The following ANKS1B variants were observed in gnomAD, a reference collection of about 807,000 sequenced individuals.
ANKS1B encodes the protein ankyrin repeat and sterile alpha motif domain-containing protein 1B.
Under a neutral mutation model 148.3 loss-of-function variants are expected in ANKS1B, and 36 were observed. The observed-to-expected ratio is 0.24, with a 90% CI of 0.19 to 0.32. ANKS1B has a LOEUF of 0.32. Among genes scored for constraint, ANKS1B ranks in the 10% least tolerant of loss-of-function variants. The pLI is 1.00. For synonymous variants in ANKS1B, 542 were observed against 560.8 expected, an observed-to-expected ratio of 0.97 and a Z score of 0.47; for missense variants, 1,157 against 1,542.6, an observed-to-expected ratio of 0.75 and a Z score of 4.19.
At chr12:99,108,224 G>A (rs575648818) in intron 15 of ANKS1B, among the ~76,000 whole-genome samples, 1 of 152,300 alleles carries the variant, frequency 6.6e-6, no homozygotes, top group South Asian at 2.1e-4. Context: ...GTGAAGATAA[G>A]CCGAATGACA....
intron 19 of ANKS1B, among the ~76,000 whole-genome samples, chr12:98,811,151 T>C (rs1205787604): frequency 6.6e-6 from 1 of 152,194 alleles, no homozygotes; most frequent in Non-Finnish European, 1.5e-5. Flanking sequence ...TTCTCCTGTG[T>C]CCCCGTGTGA....
chr12:99,667,226 G>A (rs1413472653), intron 8 of ANKS1B, among the ~76,000 whole-genome samples: 1 of 151,954 alleles, frequency 6.6e-6, no homozygotes, highest in African/African-American at 2.4e-5. Flanking sequence ...GCACGCACCT[G>A]TAGTTCCAGC....
intron 16 of ANKS1B, among the ~76,000 whole-genome samples, chr12:99,059,614 C>T (rs970855576): frequency 1.3e-5 from 2 of 151,938 alleles, no homozygotes; most frequent in African/African-American, 2.4e-5. Context: ...GTCACTTCAT[C>T]TCTCTAAGCT....
At chr12:98,804,410 C>G (rs987067643) in intron 20 of ANKS1B, among the ~76,000 whole-genome samples, 3 of 132,702 alleles carry the variant, frequency 2.3e-5, no homozygotes, top group Admixed American at 1.7e-4. Flanking sequence ...TCTCTCCCCA[C>G]CCCTGCCTAT....
rs1465608606 is a variant in ANKS1B, at chr12:98,745,257, A to ATGAT, written c.*478_*481dup. On this transcript the variant is annotated 3_prime_UTR_variant, in exon 27 of 27. Coordinates refer to ENST00000683438, the MANE Select transcript of ANKS1B (RefSeq NM_001352186.2). The stretch of plus-strand genomic sequence containing the variant: ...GTCCTTTTGCATTAAACGATACTCA[A>ATGAT]TGATAGAATGATTTTACAGATGCTT... The ATGAT allele has an allele frequency of 2.4e-5, 24 of 985,792 alleles. No homozygotes were observed. The highest frequency in any genetic ancestry group is 4.7e-5 in the South Asian group (1 of 21,294). 61.1% of individuals were successfully genotyped at this position (985,792 alleles called of 1,614,324 possible). A position where few individuals can be genotyped will look rare whatever the true frequency, so the allele number is the denominator to read the frequency against.
chr12:99,536,665 G>A (rs575244100), intron 9 of ANKS1B, among the ~76,000 whole-genome samples: 83 of 152,012 alleles, frequency 5.5e-4, no homozygotes, highest in Non-Finnish European at 1.1e-3. Context: ...TATTTATAGG[G>A]TACATGGGAT....
chr12:99,394,592 A>G (rs1593870165), intron 12 of ANKS1B, among the ~76,000 whole-genome samples: 1 of 152,088 alleles, frequency 6.6e-6, no homozygotes, highest in East Asian at 1.9e-4. Flanking sequence ...TACTTAACTT[A>G]TCAGCTATAT....
At chr12:99,080,999 G>A (rs1157605241) in intron 16 of ANKS1B, among the ~76,000 whole-genome samples, 2 of 152,082 alleles carry the variant, frequency 1.3e-5, no homozygotes, top group Non-Finnish European at 2.9e-5. Context: ...GGGTGAAAAC[G>A]GATAATTAAG....
Position 99,782,101 on chromosome 12 carries a change from G to GAA in ANKS1B, c.670-6_670-5dup. On this transcript the variant is annotated splice_region_variant and splice_polypyrimidine_tract_variant and intron_variant, in intron 4 of 26. Coordinates refer to ENST00000683438, the MANE Select transcript of ANKS1B (RefSeq NM_001352186.2). ...GAAGTGCACTCCCCTTTTCTGTCTG[G>GAA]AAAAAAAAAAGTAAGAAAAAAGAAA... 10 of 1,401,312 alleles carry GAA rather than the reference G, an allele frequency of 7.1e-6. No homozygotes were observed. The highest frequency in any genetic ancestry group is 4.4e-5 in the African/African-American group (3 of 68,078). 86.8% of individuals were successfully genotyped at this position (1,401,312 alleles called of 1,614,324 possible).
intron 14 of ANKS1B, 60 bp downstream of exon 14, chr12:99,244,282 A>C (rs1474086685): frequency 8.5e-7 from 1 of 1,175,522 alleles, no homozygotes; most frequent in Non-Finnish European, 1.2e-6. Context: ...GATTCCTATC[A>C]TTTTCTCACT....
rs78776301 is a variant in ANKS1B, at chr12:99,665,872, A to G, written c.1129-10662T>C. ...CCTCCTTTGTACTGTTGGTGAATAT[A>G]TAAGAAATCTTTGCCTAACACAAAG... On this transcript the variant is annotated intron_variant, in intron 8 of 26. Coordinates refer to ENST00000683438, the MANE Select transcript of ANKS1B (RefSeq NM_001352186.2). 3.6e-3 allele frequency among the ~76,000 whole-genome samples: 555 copies of G among 152,346 alleles called. 3 individuals are homozygous for G. Among genetic ancestry groups the G allele is most frequent in the African/African-American group, 0.012 (516 of 41,582 alleles).
chr12:99,672,498 A>C (rs550988653), intron 8 of ANKS1B, among the ~76,000 whole-genome samples: 17 of 152,148 alleles, frequency 1.1e-4, no homozygotes, highest in Non-Finnish European at 2.4e-4. Flanking sequence ...CTGTCATTGC[A>C]TAAAGACAAA....
At chr12:99,168,984 T>G (rs766393191) in intron 14 of ANKS1B, among the ~76,000 whole-genome samples, 18 of 152,196 alleles carry the variant, frequency 1.2e-4, no homozygotes, top group Non-Finnish European at 7.4e-5. Flanking sequence ...CAGCTAATAT[T>G]CTGATTAATT....
At chr12:98,882,817 G>A (rs1448019850) in intron 17 of ANKS1B, among the ~76,000 whole-genome samples, 1 of 151,584 alleles carries the variant, frequency 6.6e-6, no homozygotes. Context: ...TCCACATTAA[G>A]ATGTTAATGA....
chr12:99,377,446 T>C lies in ANKS1B; in HGVS notation c.1756+22185A>G, dbSNP rs2093437800. On this transcript the variant is annotated intron_variant, in intron 12 of 26. Transcript: ENST00000683438. ...AGAAAACATTGTAGACAGTTTTATT[T>C]CCTAGGAACATCAGTAAGATTTCCA... 3.3e-5 allele frequency among the ~76,000 whole-genome samples: 5 copies of C among 152,308 alleles called. No homozygotes were observed. The South Asian group carries it at 1.0e-3, about 32-fold the overall frequency.
intron 8 of ANKS1B, among the ~76,000 whole-genome samples, chr12:99,709,174 G>A (rs1432824347): frequency 2.6e-5 from 4 of 152,090 alleles, no homozygotes; most frequent in Admixed American, 6.5e-5. Context: ...ATAAGCACAC[G>A]CAAGCTTGTG....
At chr12:99,607,976 A>G (rs2097863238) in intron 9 of ANKS1B, among the ~76,000 whole-genome samples, 1 of 152,062 alleles carries the variant, frequency 6.6e-6, no homozygotes, top group South Asian at 2.1e-4. Context: ...TATGAGTGGT[A>G]CAAAAAGTAC....
chr12:98,837,234 G>A lies in ANKS1B; in HGVS notation c.2779-5098C>T, dbSNP rs112152731. On this transcript the variant is annotated intron_variant, in intron 17 of 26. Coordinates refer to ENST00000683438, the MANE Select transcript of ANKS1B (RefSeq NM_001352186.2). ...CGCCTGTAGTCCCAGCTACTCGGGA[G>A]GCCGAGGCAGGAGAATCACTTGAAC... 5.3e-5 allele frequency among the ~76,000 whole-genome samples: 8 copies of A among 151,972 alleles called. 1 individual carries two copies. Among genetic ancestry groups the A allele is most frequent in the African/African-American group, 1.7e-4 (7 of 41,476 alleles).
At chr12:99,755,062 G>A (rs1190509181) in intron 8 of ANKS1B, among the ~76,000 whole-genome samples, 1 of 125,148 alleles carries the variant, frequency 8.0e-6, no homozygotes, top group Non-Finnish European at 1.7e-5. Flanking sequence ...AAATCCAGGA[G>A]CTGCTTTTTA....
Sources: allele counts gnomAD v4.1 joint callset (sites outside exome capture counted in the v4.1 genomes callset), GRCh38; gene constraint gnomAD v4.1.1; transcripts MANE v1.5; gene names NCBI Gene and HGNC (gene_info 2026-07-23, HGNC 2026-07-21).